The following MRTFB variants were observed in gnomAD, a reference collection of about 807,000 sequenced individuals.
MRTFB encodes myocardin related transcription factor B, also known as myocardin-related transcription factor B.
A neutral mutation model predicts 104.2 loss-of-function variants in MRTFB; 29 were observed. The observed-to-expected ratio is 0.28, with a 90% CI of 0.21 to 0.38. MRTFB has a LOEUF of 0.38. Among genes scored for constraint, MRTFB ranks in the 10% least tolerant of loss-of-function variants. The pLI, the probability that MRTFB is intolerant of heterozygous loss-of-function variation, is 1.00. For synonymous variants in MRTFB, 535 were observed against 519.5 expected (o/e 1.03, Z -0.41); for missense variants, 1,270 against 1,341.6 (o/e 0.95, Z 0.83).
chr16:13,995,433 G>A, the MRTFB span, among the ~76,000 whole-genome samples: 3 of 152,148 alleles, frequency 2.0e-5, no homozygotes, highest in African/African-American at 7.2e-5. Flanking sequence ...AGTTCAGTTT[G>A]CACTTTAAGC....
chr16:14,036,238 AAT>A, the MRTFB span, among the ~76,000 whole-genome samples: 2 of 107,500 alleles, frequency 1.9e-5, no homozygotes, highest in South Asian at 2.4e-4. Context: ...TAGTTTATAT[AAT>A]ATATGTTATA....
intron 2 of MRTFB, among the ~76,000 whole-genome samples, chr16:14,127,929 A>ATTTTTTTT: frequency 2.2e-5 from 1 of 44,640 alleles, no homozygotes; most frequent in Non-Finnish European, 3.3e-5. Context: ...ATATATATAT[A>ATTTTTTTT]TTTTTTTTTT....
rs755097336 is a variant in MRTFB, at chr16:14,247,423, G to T, written c.2163G>T (p.Gln721His). The change falls in exon 12 of 17, where the codon CAG (glutamine) becomes CAT (histidine). Residue 721 changes from glutamine (Q) to histidine (H), a missense_variant. Physicochemically the swap from Gln to His is conservative, Grantham distance 24 (BLOSUM62 0). This residue lies in a region of MRTFB where 1,144 missense variants were observed against 1,131.5 expected (regional missense o/e 1.01). Coordinates refer to ENST00000571589, the MANE Select transcript of MRTFB (RefSeq NM_001308142.2). ...VAQPQALLTT[Q>H]TAQLLLPVSI... ...AGCCCCAGGCTTTACTGACCACGCA[G>T]ACTGCTCAGCTGCTGCTCCCAGTGT... 12 of 1,610,536 alleles carry T rather than the reference G, an allele frequency of 7.5e-6. No homozygotes were observed. The highest frequency in any genetic ancestry group is 5.9e-6 in the Non-Finnish European group (7 of 1,179,880).
rs1402699603 is a variant in MRTFB at position 14,246,649 on chromosome 16, G to A, written c.1389G>A (p.Val463=). ...TCACCAGTAACCCAGAAGTCACTGTGGCCTTGCCGGTTACAACACTACACA... is the reference window on the plus strand; with the variant it reads ...TCACCAGTAACCCAGAAGTCACTGTAGCCTTGCCGGTTACAACACTACACA... The part of the protein sequence containing the change: ...AIVTSNPEVT[V]ALPVTTLHNT... Residue 463 remains valine, a synonymous_variant, in exon 12 of 17, where the codon GTG becomes GTA. Transcript: ENST00000571589. 2 of 1,613,980 alleles carry A rather than the reference G, an allele frequency of 1.2e-6. No individual in the cohort carries two copies. The highest frequency in any genetic ancestry group is 1.6e-4 in the Middle Eastern group (1 of 6,084).
the MRTFB span, among the ~76,000 whole-genome samples, chr16:13,996,290 A>G: frequency 7.6e-6 from 1 of 131,606 alleles, no homozygotes; most frequent in Admixed American, 7.3e-5. Context: ...CAACAACAAC[A>G]AAGAAAAAAA....
chr16:14,019,812 C>G, the MRTFB span, among the ~76,000 whole-genome samples: 1 of 146,756 alleles, frequency 6.8e-6, no homozygotes, highest in African/African-American at 2.4e-5. Context: ...TTCAAATTCC[C>G]TCAGCTATTA....
chr16:14,062,580 G>C, the MRTFB span, among the ~76,000 whole-genome samples: 1 of 152,130 alleles, frequency 6.6e-6, no homozygotes, highest in Non-Finnish European at 1.5e-5. Flanking sequence ...GTGAGCCCCT[G>C]TCCAAGTCTC....
intron 2 of MRTFB, among the ~76,000 whole-genome samples, chr16:14,106,004 C>T (rs560287132): frequency 9.3e-5 from 14 of 149,928 alleles, no homozygotes; most frequent in Non-Finnish European, 1.6e-4. Context: ...GATTGTGATA[C>T]AGATCTGCTG....
At chr16:14,188,288 C>A (rs2040031866) in intron 3 of MRTFB, among the ~76,000 whole-genome samples, 2 of 152,236 alleles carry the variant, frequency 1.3e-5, no homozygotes, top group South Asian at 4.1e-4. Context: ...TTTCTTAAAT[C>A]ATTAATTTCT....
rs933681631 is a variant in MRTFB, at chr16:14,218,833, G to C, written c.528G>C (p.Glu176Asp). ...TTCTTTCTTTAGGCGTTGGGAAGGA[G>C]GACTATCCCCACACTCAGGGCGATT... ...VKEAIIGVGK[E>D]DYPHTQGDFS... Residue 176 changes from glutamate (E) to aspartate (D), a missense_variant, in exon 8 of 17, where the codon GAG becomes GAC. Glu to Asp is a conservative substitution (Grantham distance 45, BLOSUM62 2). Around this residue, in one of 3 missense-constraint regions of MRTFB, gnomAD observed 1,144 missense variants for 1,131.5 expected, o/e 1.01. Coordinates refer to ENST00000571589, the MANE Select transcript of MRTFB (RefSeq NM_001308142.2). 1 of 1,601,270 alleles carries C rather than the reference G, an allele frequency of 6.2e-7. No individual in the cohort carries two copies.
Position 14,249,054 on chromosome 16 carries a change from G to A in MRTFB, c.2376G>A (p.Val792=). Residue 792 remains valine (V), a synonymous_variant, in exon 13 of 17, where the codon GTG becomes GTA. Transcript: ENST00000571589. ...CACAAGACACGTTCCCGCAGCATGT[G>A]CTCAGTCAGCCTCAACAAGTCAGAA... ...PQTQDTFPQH[V]LSQPQQVRKV... 4 of 1,614,090 alleles carry A rather than the reference G, an allele frequency of 2.5e-6. No homozygotes were observed. Among genetic ancestry groups the A allele is most frequent in the Non-Finnish European group, 3.4e-6 (4 of 1,179,992 alleles).
At chr16:14,203,329 A>G (rs545060521) in intron 3 of MRTFB, among the ~76,000 whole-genome samples, 35 of 152,160 alleles carry the variant, frequency 2.3e-4, no homozygotes, top group African/African-American at 7.0e-4. Context: ...TTCCAAGACC[A>G]TGGCTGCCTG....
intron 2 of MRTFB, among the ~76,000 whole-genome samples, chr16:14,117,994 A>T (rs951316242): frequency 2.0e-5 from 3 of 152,188 alleles, no homozygotes; most frequent in Non-Finnish European, 4.4e-5. Flanking sequence ...CACCTAGCTT[A>T]GTCAAATCTT....
At chr16:14,040,037 C>T in the MRTFB span, among the ~76,000 whole-genome samples, 3 of 152,094 alleles carry the variant, frequency 2.0e-5, no homozygotes, top group African/African-American at 4.8e-5. Context: ...CGTGAGCCAC[C>T]GCGCCCAGCC....
rs1172874760 is a variant in MRTFB, at chr16:14,252,352, T to C, written c.2566-13T>C. ...CCAAGAGGTAATGTGCACTCCTCCT[T>C]TATTTGACACAGCCTAGTTCACCCC... is the stretch of plus-strand genomic sequence containing the variant. On this transcript the variant is annotated splice_polypyrimidine_tract_variant and intron_variant, in intron 14 of 16. Coordinates refer to ENST00000571589, the MANE Select transcript of MRTFB (RefSeq NM_001308142.2). The C allele has an allele frequency of 6.2e-7, 1 of 1,611,428 alleles. No individual in the cohort carries two copies. Among genetic ancestry groups the C allele is most frequent in the South Asian group, 1.1e-5 (1 of 90,652 alleles).
At chr16:14,188,223 A>G (rs1433085073) in intron 3 of MRTFB, among the ~76,000 whole-genome samples, 1 of 152,186 alleles carries the variant, frequency 6.6e-6, no homozygotes, top group Non-Finnish European at 1.5e-5. Flanking sequence ...ATAAAAATCG[A>G]TACCAGTGGA....
intron 8 of MRTFB, among the ~76,000 whole-genome samples, chr16:14,227,219 A>T (rs1201079099): frequency 6.6e-6 from 1 of 152,054 alleles, no homozygotes; most frequent in African/African-American, 2.4e-5. Context: ...ATAGATTAAC[A>T]GCCTCCCTTA....
At chr16:14,240,545 A>C in intron 10 of MRTFB, 61 bp downstream of exon 10, 1 of 1,612,614 alleles carries the variant, frequency 6.2e-7, no homozygotes, top group Non-Finnish European at 8.5e-7. Context: ...ATGAGGAACT[A>C]TAAGTTACCA....
intron 3 of MRTFB, chr16:14,200,830 G>A (rs751884688): frequency 7.4e-5 from 108 of 1,467,556 alleles, no homozygotes; most frequent in Admixed American, 3.0e-4. Context: ...GGTGGTTATC[G>A]TGGGTGTGGT....
Sources: allele counts gnomAD v4.1 joint callset (sites outside exome capture counted in the v4.1 genomes callset), GRCh38; gene constraint gnomAD v4.1.1; regional missense constraint gnomAD v4.1.1; transcripts MANE v1.5; gene names NCBI Gene and HGNC (gene_info 2026-07-23, HGNC 2026-07-21).